Variants in CACHD1 observed in about 807,000 individuals in gnomAD.
The protein encoded by CACHD1 is cache domain containing 1, also known as VWFA and cache domain-containing protein 1.
A neutral mutation model predicts 138.7 loss-of-function variants in CACHD1; 71 were observed. That is an observed-to-expected ratio of 0.51 (90% confidence interval 0.42 to 0.62). The LOEUF (loss-of-function observed/expected upper bound fraction) is 0.62, where lower values mean the gene tolerates loss of function less well. CACHD1 is among the 20% of genes least tolerant of loss of function. The pLI, the probability that CACHD1 is intolerant of heterozygous loss-of-function variation, is 0.00. For missense variants in CACHD1, 1,389 were observed against 1,625.3 expected (o/e 0.85, Z 2.50); for synonymous variants, 578 against 591.5 (o/e 0.98, Z 0.33).
Position 64,477,629 on chromosome 1 carries a change from AT to A in CACHD1, c.198+6691del, listed in dbSNP as rs771584890. ...TTATTATTATTATTATTATTATTTT[AT>A]TTTATTTTTTTTTTTGAGACGGAGT... On this transcript the variant is annotated intron_variant, in intron 1 of 26. Coordinates refer to ENST00000651257, the MANE Select transcript of CACHD1 (RefSeq NM_020925.4). Among the ~76,000 whole-genome samples the A allele has an allele frequency of 3.7e-3, 424 of 114,806 alleles. 4 individuals are homozygous for A. Among genetic ancestry groups the A allele is most frequent in the African/African-American group, 0.016 (363 of 23,160 alleles). The allele number at this position is 114,806 out of a possible 152,430, so 75.3% of individuals were successfully genotyped here. A position where few individuals can be genotyped will look rare whatever the true frequency, so the allele number is the denominator to read the frequency against.
intron 1 of CACHD1, among the ~76,000 whole-genome samples, chr1:64,481,925 G>A (rs1041812404): frequency 4.6e-5 from 7 of 152,150 alleles, no homozygotes; most frequent in African/African-American, 1.7e-4. Flanking sequence ...TTGAAAATAA[G>A]GTAAGGATTC....
At chr1:64,543,402 C>CGT (rs1553131374) in intron 1 of CACHD1, among the ~76,000 whole-genome samples, 1 of 126,886 alleles carries the variant, frequency 7.9e-6, no homozygotes, top group Non-Finnish European at 1.6e-5. Flanking sequence ...AAAAAAAATA[C>CGT]ATATATATAT....
chr1:64,668,091 G>A (rs1230846584), intron 16 of CACHD1, among the ~76,000 whole-genome samples: 1 of 152,166 alleles, frequency 6.6e-6, no homozygotes, highest in Non-Finnish European at 1.5e-5. Context: ...CACATTGGGA[G>A]GCCAAGGCAG....
intron 3 of CACHD1, among the ~76,000 whole-genome samples, chr1:64,598,177 T>A (rs560877575): frequency 2.6e-5 from 4 of 152,228 alleles, no homozygotes; most frequent in Non-Finnish European, 5.9e-5. Flanking sequence ...TCTTCACTTT[T>A]GCTTCCAGTA....
At chr1:64,597,521 GTTGTTTTTT>G (rs1647164140) in intron 3 of CACHD1, among the ~76,000 whole-genome samples, 2 of 63,846 alleles carry the variant, frequency 3.1e-5, no homozygotes, top group African/African-American at 1.3e-4. Context: ...TTTTTTTTTT[GTTGTTTTTT>G]TTTTTTTTTT....
At chr1:64,570,177 T>C (rs962284236) in intron 2 of CACHD1, among the ~76,000 whole-genome samples, 18 of 152,116 alleles carry the variant, frequency 1.2e-4, no homozygotes, top group Admixed American at 9.8e-4. Context: ...ACATATCCCA[T>C]GGTGCAATAG....
intron 9 of CACHD1, 95 bp from the exon 10 acceptor site, chr1:64,652,066 G>T: frequency 9.0e-7 from 1 of 1,116,854 alleles, no homozygotes; most frequent in Non-Finnish European, 1.3e-6. Context: ...TGAGACAGCT[G>T]ATAGAAGCCT....
intron 1 of CACHD1, among the ~76,000 whole-genome samples, chr1:64,478,625 T>A (rs1362507965): frequency 6.6e-6 from 1 of 152,108 alleles, no homozygotes; most frequent in African/African-American, 2.4e-5. Context: ...CAGAGCTCTG[T>A]CCTATCCAGA....
chr1:64,560,420 TAC>T (rs1352220361), intron 2 of CACHD1, among the ~76,000 whole-genome samples: 6 of 152,226 alleles, frequency 3.9e-5, no homozygotes, highest in African/African-American at 1.2e-4. Context: ...CATTCAGTTT[TAC>T]ATATTTTCTG....
intron 7 of CACHD1, among the ~76,000 whole-genome samples, chr1:64,637,020 G>A (rs776967473): frequency 8.5e-5 from 13 of 152,180 alleles, no homozygotes; most frequent in East Asian, 1.9e-4. Flanking sequence ...GTGGCTGAGC[G>A]TAAAGTTGCC....
intron 1 of CACHD1, among the ~76,000 whole-genome samples, chr1:64,512,170 G>C (rs1281241997): frequency 2.0e-5 from 3 of 152,070 alleles, no homozygotes; most frequent in Non-Finnish European, 2.9e-5. Context: ...AAGGCGGGTG[G>C]ATCACCTGAG....
Position 64,550,594 on chromosome 1 carries a change from C to G in CACHD1, c.199C>G (p.Arg67Gly). ...CATGTTCATTTTCTTTTCATTGCAGCGGATATTCAACTCCTTTGTTTACAC... is the reference window on the plus strand; with the variant it reads ...CATGTTCATTTTCTTTTCATTGCAGGGGATATTCAACTCCTTTGTTTACAC... ...AEELGVVTMQ[R>G]IFNSFVYTEK... is the part of the protein sequence containing the mutation. Residue 67 changes from arginine to glycine, a missense_variant and splice_region_variant, in exon 2 of 27, where the codon CGG becomes GGG. Physicochemically the swap from Arg to Gly is moderately radical, Grantham distance 125 (BLOSUM62 -2). Transcript: ENST00000651257. 6.2e-7 allele frequency: 1 copy of G among 1,607,350 alleles called. No individual in the cohort carries two copies. The highest frequency in any genetic ancestry group is 8.5e-7 in the Non-Finnish European group (1 of 1,174,338).
intron 3 of CACHD1, among the ~76,000 whole-genome samples, chr1:64,597,074 GGTGT>G (rs1647158746): frequency 2.0e-5 from 3 of 152,030 alleles, no homozygotes; most frequent in Admixed American, 2.0e-4. Flanking sequence ...AACCCCAACT[GGTGT>G]GTGAGTGGGG....
intron 2 of CACHD1, among the ~76,000 whole-genome samples, chr1:64,577,817 C>T (rs535904187): frequency 2.6e-5 from 4 of 152,300 alleles, no homozygotes; most frequent in Admixed American, 2.6e-4. Flanking sequence ...GGATTTGACA[C>T]CTTTTGTGAA....
intron 2 of CACHD1, among the ~76,000 whole-genome samples, chr1:64,557,159 G>A (rs1646805004): frequency 1.3e-5 from 2 of 151,972 alleles, no homozygotes; most frequent in South Asian, 2.1e-4. Context: ...TTTGCTTAAG[G>A]GTATTATATA....
chr1:64,569,114 T>A (rs1183494226), intron 2 of CACHD1, among the ~76,000 whole-genome samples: 1 of 151,476 alleles, frequency 6.6e-6, no homozygotes, highest in African/African-American at 2.4e-5. Flanking sequence ...AGAGATGGGG[T>A]CTCTCCATGT....
At chr1:64,541,011 T>TGCACAC (rs1646673158) in intron 1 of CACHD1, among the ~76,000 whole-genome samples, 2 of 152,164 alleles carry the variant, frequency 1.3e-5, no homozygotes, top group East Asian at 3.9e-4. Context: ...CGCCCGCACG[T>TGCACAC]GCACACGCAC....
intron 1 of CACHD1, among the ~76,000 whole-genome samples, chr1:64,503,294 T>C (rs767517667): frequency 7.9e-5 from 12 of 152,190 alleles, no homozygotes; most frequent in Non-Finnish European, 1.6e-4. Context: ...TCCAAGGACA[T>C]TGAAATTGAA....
intron 1 of CACHD1, among the ~76,000 whole-genome samples, chr1:64,520,637 C>T (rs868754185): frequency 6.6e-6 from 1 of 152,228 alleles, no homozygotes; most frequent in Non-Finnish European, 1.5e-5. Flanking sequence ...GTGGAAACCA[C>T]TGTTACTAAT....
Sources: gnomAD v4.1 joint callset for allele counts (sites outside exome capture counted in the v4.1 genomes callset) on GRCh38, gnomAD v4.1.1 for gene constraint, MANE v1.5 for transcripts, NCBI Gene and HGNC (gene_info 2026-07-23, HGNC 2026-07-21) for gene names.